CLDN15: variants seen among roughly 807,000 people sequenced by gnomAD.
The protein encoded by CLDN15 is claudin-15.
CLDN15 carries 9 observed loss-of-function variants against 24.5 expected under a neutral mutation model. The observed-to-expected ratio is 0.37, with a 90% CI of 0.22 to 0.64. CLDN15 has a LOEUF of 0.64. Among genes scored for constraint, CLDN15 ranks in the 30% least tolerant of loss-of-function variants. The probability of loss-of-function intolerance (pLI) is 0.63; values close to 1 mark genes in which losing one functional copy is unlikely to be tolerated. For synonymous variants in CLDN15, 149 were observed against 131.4 expected, an observed-to-expected ratio of 1.13 and a Z score of -0.92; for missense variants, 248 against 305.9, an observed-to-expected ratio of 0.81 and a Z score of 1.41.
intron 1 of CLDN15, among the ~76,000 whole-genome samples, chr7:101,236,266 G>C (rs968419088): frequency 2.0e-5 from 3 of 151,236 alleles, no homozygotes; most frequent in East Asian, 3.8e-4. Flanking sequence ...TTTTTGGGGG[G>C]GGGGCCCGCC....
At chr7:101,236,068 G>A (rs1404760831) in intron 1 of CLDN15, among the ~76,000 whole-genome samples, 3 of 152,158 alleles carry the variant, frequency 2.0e-5, no homozygotes, top group Non-Finnish European at 2.9e-5. Flanking sequence ...GTGCCCTGGG[G>A]ACTCTGGCAC....
chr7:101,237,811 C>T (rs948891240), upstream of CLDN15: 9 of 575,190 alleles, frequency 1.6e-5, no homozygotes, highest in Admixed American at 2.7e-4. This position sits in a 1 kb window ranked among gnomAD's most constrained non-coding sequence, Gnocchi z 4.0. Flanking sequence ...ATGAGCTAAG[C>T]CTGCGCGCGG....
At chr7:101,236,932 C>G in intron 1 of CLDN15, 1 of 639,586 alleles carries the variant, frequency 1.6e-6, no homozygotes, top group Non-Finnish European at 2.5e-6. Flanking sequence ...GGCCTCCTCC[C>G]CCTGCCCACC....
chr7:101,232,336 A>C lies in CLDN15; in HGVS notation c.*74T>G. 4 of 1,097,388 alleles carry C rather than the reference A, an allele frequency of 3.6e-6. No individual in the cohort carries two copies. The highest frequency in any genetic ancestry group is 5.4e-6 in the Non-Finnish European group (4 of 739,944). 68.0% of individuals were successfully genotyped at this position (1,097,388 alleles called of 1,614,324 possible). A position where few individuals can be genotyped will look rare whatever the true frequency, so the allele number is the denominator to read the frequency against. On this transcript the variant is annotated 3_prime_UTR_variant, in exon 5 of 5. Transcript: ENST00000308344. ...CGTGGCCGGCCCCTGAGGTTACTAT[A>C]GGGGAATGGGCCCCGGCCAGGTCCC...
At position 101,237,278 on chromosome 7, in the gene CLDN15, G is replaced by T; in HGVS notation, c.217+87C>A. The T allele has an allele frequency of 3.4e-6, 3 of 873,404 alleles. No individual in the cohort carries two copies. The highest frequency in any genetic ancestry group is 1.4e-5 in the South Asian group (1 of 70,108). 54.1% of individuals were successfully genotyped at this position (873,404 alleles called of 1,614,324 possible). On this transcript the variant is annotated intron_variant, in intron 1 of 4. Coordinates refer to ENST00000308344, the MANE Select transcript of CLDN15 (RefSeq NM_014343.3). The surrounding 1 kb of genome is among the most constrained non-coding windows in gnomAD (Gnocchi z 4.0). ...CGCAGAGCTTAATTCAGGGCTCCCT[G>T]CATCCTCACGGAAGTACCCGCCCTC...
upstream of CLDN15, chr7:101,238,201 T>A (rs1798671905): frequency 6.2e-6 from 1 of 160,364 alleles, no homozygotes; most frequent in African/African-American, 2.4e-5. Flanking sequence ...TTGGGGCGTA[T>A]GAGTCTCTTA....
intron 1 of CLDN15, among the ~76,000 whole-genome samples, chr7:101,235,351 ACTC>A (rs1055811558): frequency 5.9e-5 from 9 of 151,548 alleles, no homozygotes; most frequent in Admixed American, 4.6e-4. Context: ...CCTTGATTGA[ACTC>A]CTGGATGCAG....
rs1798648511 is a variant in CLDN15 at position 101,237,372 on chromosome 7, G to A, written c.210C>T (p.Ala70=). Residue 70 remains alanine (A), a synonymous_variant, in exon 1 of 5, where the codon GCC becomes GCT. Transcript: ENST00000308344. This position sits in a 1 kb window ranked among gnomAD's most constrained non-coding sequence, Gnocchi z 4.0. ...YNCWEFPSML[A]LSGYIQACRA... is the part of the protein sequence containing the mutation. ...GCGCTCCCCACCCCATACCAGAGAG[G>A]GCCAGCATGGACGGGAACTCCCAGC... The A allele has an allele frequency of 6.2e-7, 1 of 1,606,426 alleles. No individual in the cohort carries two copies. The highest frequency in any genetic ancestry group is 8.5e-7 in the Non-Finnish European group (1 of 1,174,580).
chr7:101,232,975 TA>T, intron 2 of CLDN15, 61 bp from the exon 3 acceptor site: 1 of 1,207,456 alleles, frequency 8.3e-7, no homozygotes, highest in Admixed American at 1.8e-5. Flanking sequence ...GGAGGGGGCT[TA>T]GGGGAGAGGC....
At chr7:101,236,020 C>A (rs1214379793) in intron 1 of CLDN15, among the ~76,000 whole-genome samples, 1 of 152,140 alleles carries the variant, frequency 6.6e-6, no homozygotes, top group African/African-American at 2.4e-5. Context: ...GCAGAAGCAC[C>A]TAGCCCAAGG....
In CLDN15 at chr7:101,237,601, G is replaced by C; in HGVS notation, c.-20C>G. 6.3e-7 allele frequency: 1 copy of C among 1,592,484 alleles called. No homozygotes were observed. The highest frequency in any genetic ancestry group is 1.3e-5 in the African/African-American group (1 of 74,548). On this transcript the variant is annotated 5_prime_UTR_variant, in exon 1 of 5. Transcript: ENST00000308344. The surrounding 1 kb of genome is among the most constrained non-coding windows in gnomAD (Gnocchi z 4.0). ...CGACATGGTGGGATGCAGGACCCTG[G>C]GGGGCTGGTGCCCCAGAGAGGGGGA... is the stretch of plus-strand genomic sequence containing the variant.
At chr7:101,234,068 C>T (rs1271661407) in intron 2 of CLDN15, 2 of 704,116 alleles carry the variant, frequency 2.8e-6, no homozygotes, top group Non-Finnish European at 5.2e-6. Flanking sequence ...CCAGCCCCTA[C>T]TGGGAGCTCA....
chr7:101,237,969 GGGCCCCCAAGGGAGGC>G, upstream of CLDN15: 1 of 294,618 alleles, frequency 3.4e-6, no homozygotes, highest in Non-Finnish European at 6.7e-6. The surrounding 1 kb of genome is among the most constrained non-coding windows in gnomAD (Gnocchi z 4.0). Flanking sequence ...AGCCAAGGAG[GGGCCCCCAAGGGAGGC>G]ACTGGGAACT....
chr7:101,236,642 C>G, intron 1 of CLDN15: 1 of 843,264 alleles, frequency 1.2e-6, no homozygotes, highest in Non-Finnish European at 1.7e-6. Flanking sequence ...GAGCAGGGAG[C>G]GGGAAGGTGC....
chr7:101,237,837 TG>T, upstream of CLDN15: 4 of 527,116 alleles, frequency 7.6e-6, no homozygotes, highest in Non-Finnish European at 1.4e-5. The surrounding 1 kb of genome is among the most constrained non-coding windows in gnomAD (Gnocchi z 4.0). Context: ...GTTGACGAGA[TG>T]GAGGGAATAA....
intron 1 of CLDN15, among the ~76,000 whole-genome samples, chr7:101,235,052 G>T (rs1041696509): frequency 7.9e-5 from 12 of 152,152 alleles, no homozygotes; most frequent in African/African-American, 2.9e-4. Context: ...CAATCATTGT[G>T]CAAAGTCGCC....
Position 101,237,243 on chromosome 7 carries a change from A to T in CLDN15, c.217+122T>A, listed in dbSNP as rs1798645057. 1 of 718,258 alleles carries T rather than the reference A, an allele frequency of 1.4e-6. No individual in the cohort carries two copies. The highest frequency in any genetic ancestry group is 1.7e-5 in the African/African-American group (1 of 57,268). The allele number at this position is 718,258 out of a possible 1,614,324, so 44.5% of individuals were successfully genotyped here. A position where few individuals can be genotyped will look rare whatever the true frequency, so the allele number is the denominator to read the frequency against. On this transcript the variant is annotated intron_variant, in intron 1 of 4. Coordinates refer to ENST00000308344, the MANE Select transcript of CLDN15 (RefSeq NM_014343.3). This position sits in a 1 kb window ranked among gnomAD's most constrained non-coding sequence, Gnocchi z 4.0. ...CGCCCCCAGCACTCCTGGCTGCGGG[A>T]ACTCAGACCCGCAGAGCTTAATTCA...
intron 1 of CLDN15, among the ~76,000 whole-genome samples, chr7:101,236,082 C>G (rs111330247): frequency 6.6e-6 from 1 of 152,300 alleles, no homozygotes; most frequent in African/African-American, 2.4e-5. Context: ...CTGGCACCAT[C>G]TTTCATGCAG....
chr7:101,233,044 T>G, intron 2 of CLDN15, 130 bp from the exon 3 acceptor site: 2 of 678,558 alleles, frequency 2.9e-6, no homozygotes, highest in Non-Finnish European at 5.4e-6. Flanking sequence ...GCAATTTCAC[T>G]CAATTCCTTT....
Sources: gnomAD v4.1 joint callset for allele counts (sites outside exome capture counted in the v4.1 genomes callset) on GRCh38, gnomAD v4.1.1 for gene constraint, Gnocchi (gnomAD v3.1) non-coding constraint, MANE v1.5 for transcripts, NCBI Gene and HGNC (gene_info 2026-07-23, HGNC 2026-07-21) for gene names.